Variants in ZFYVE28 observed in about 807,000 individuals in gnomAD.
The protein encoded by ZFYVE28 is lateral signaling target protein 2 homolog.
A neutral mutation model predicts 82.1 loss-of-function variants in ZFYVE28; 40 were observed. The ratio of observed to expected loss-of-function variants is 0.49; its 90% confidence interval spans 0.38 to 0.63. The LOEUF is 0.63. Ranked by LOEUF, ZFYVE28 falls within the 30% of genes least tolerant of loss-of-function variation. ZFYVE28 has a pLI of 0.00. For missense variants in ZFYVE28, 1,321 were observed against 1,242.1 expected (o/e 1.06, Z -0.96); for synonymous variants, 612 against 546.1 (o/e 1.12, Z -1.68).
Position 2,308,622 on chromosome 4 carries a change from G to GAAGAAAGA in ZFYVE28, c.804-3087_804-3086insTCTTTCTT, listed in dbSNP as rs1238806821. On this transcript the variant is annotated intron_variant, in intron 7 of 12. Transcript: ENST00000290974. ...AGACAGAGAGAGAGAAAGAAAGAAA[G>GAAGAAAGA]AAGACAGAAAGAAAGAAAGAAAGAA... Among the ~76,000 whole-genome samples, 578 of 81,522 alleles carry GAAGAAAGA rather than the reference G, an allele frequency of 7.1e-3. 4 individuals are homozygous for GAAGAAAGA. The highest frequency in any genetic ancestry group is 0.014 in the Admixed American group (86 of 6,102). The allele number at this position is 81,522 out of a possible 152,430, so 53.5% of individuals were successfully genotyped here. A position where few individuals can be genotyped will look rare whatever the true frequency, so the allele number is the denominator to read the frequency against.
chr4:2,395,482 C>T (rs1006505991), intron 1 of ZFYVE28, among the ~76,000 whole-genome samples: 8 of 152,164 alleles, frequency 5.3e-5, no homozygotes, highest in Admixed American at 2.0e-4. Flanking sequence ...AGGTCCAGGT[C>T]GTGGGAGCTG....
chr4:2,297,159 T>A (rs1714712667), intron 8 of ZFYVE28, among the ~76,000 whole-genome samples: 3 of 152,226 alleles, frequency 2.0e-5, no homozygotes, highest in Admixed American at 1.3e-4. Context: ...GCGCCTTCAC[T>A]GATGTGCCAG....
At chr4:2,288,537 G>T (rs926489680) in intron 8 of ZFYVE28, among the ~76,000 whole-genome samples, 2 of 152,246 alleles carry the variant, frequency 1.3e-5, no homozygotes, top group African/African-American at 2.4e-5. Flanking sequence ...GCTCCAAGGG[G>T]AGGTCCTGCC....
intron 1 of ZFYVE28, among the ~76,000 whole-genome samples, chr4:2,406,006 G>A (rs1227117211): frequency 3.5e-5 from 5 of 143,474 alleles, no homozygotes; most frequent in Non-Finnish European, 7.5e-5. Context: ...CCAAGATTGC[G>A]CTGCTATACT....
chr4:2,328,699 AT>A (rs1224038418), intron 6 of ZFYVE28: 1 of 161,088 alleles, frequency 6.2e-6, no homozygotes, highest in Non-Finnish European at 1.3e-5. Context: ...AGAAAAAAAA[AT>A]ACCTTCACAG....
chr4:2,360,199 C>T (rs571280907), intron 1 of ZFYVE28, among the ~76,000 whole-genome samples: 1 of 151,820 alleles, frequency 6.6e-6, no homozygotes, highest in Non-Finnish European at 1.5e-5. Flanking sequence ...AGTGTCTTCA[C>T]GACCACGAGG....
Position 2,298,130 on chromosome 4 carries a change from G to A in ZFYVE28, c.2051+6159C>T, listed in dbSNP as rs543211555. On this transcript the variant is annotated intron_variant, in intron 8 of 12. Coordinates refer to ENST00000290974, the MANE Select transcript of ZFYVE28 (RefSeq NM_020972.3). ...ACACGGTGACACAGTGACACGGCGG[G>A]CTGTGCTGGGAGGAATGGCAGAGGA... Among the ~76,000 whole-genome samples the A allele has an allele frequency of 5.3e-4, 79 of 149,684 alleles. No individual in the cohort carries two copies. In the East Asian group the frequency reaches 0.015, roughly 28 times the overall value.
chr4:2,363,024 G>A (rs1726374042), intron 1 of ZFYVE28, among the ~76,000 whole-genome samples: 1 of 152,144 alleles, frequency 6.6e-6, no homozygotes, highest in Non-Finnish European at 1.5e-5. Flanking sequence ...CCCATTACAT[G>A]GTGAGTGTCC....
chr4:2,354,140 C>T, intron 1 of ZFYVE28, 67 bp from the exon 2 acceptor site: 1 of 1,397,268 alleles, frequency 7.2e-7, no homozygotes, highest in South Asian at 1.6e-5. Context: ...GGTTGGTTGC[C>T]TTGTCCCCAG....
intron 2 of ZFYVE28, among the ~76,000 whole-genome samples, chr4:2,345,556 G>A (rs1723411710): frequency 6.6e-6 from 1 of 151,534 alleles, no homozygotes; most frequent in Non-Finnish European, 1.5e-5. Flanking sequence ...ATGAACTGCT[G>A]GACAACTTCA....
intron 7 of ZFYVE28, among the ~76,000 whole-genome samples, chr4:2,306,393 C>T (rs1716576351): frequency 1.3e-5 from 2 of 152,250 alleles, no homozygotes; most frequent in African/African-American, 4.8e-5. Flanking sequence ...ATGTGAATAG[C>T]ACCCAGATTT....
At chr4:2,381,120 C>A (rs1728690242) in intron 1 of ZFYVE28, among the ~76,000 whole-genome samples, 1 of 151,984 alleles carries the variant, frequency 6.6e-6, no homozygotes, top group South Asian at 2.1e-4. Flanking sequence ...GCAACATGGA[C>A]AATAAGGTCC....
At chr4:2,328,793 C>T (rs1218147769) in intron 6 of ZFYVE28, 1 of 262,996 alleles carries the variant, frequency 3.8e-6, no homozygotes. Context: ...ATCGCAGGGT[C>T]CAACTTTGTT....
chr4:2,334,771 CTTCCGCCTCCCCT>C (rs1721346107), intron 6 of ZFYVE28, among the ~76,000 whole-genome samples: 7 of 32,022 alleles, frequency 2.2e-4, no homozygotes, highest in East Asian at 2.7e-3. Flanking sequence ...CCCCTCCCCA[CTTCCGCCTCCCCT>C]CTTCCCCCTC....
At chr4:2,411,161 G>A (rs775079915) in intron 1 of ZFYVE28, among the ~76,000 whole-genome samples, 10 of 151,786 alleles carry the variant, frequency 6.6e-5, no homozygotes, top group African/African-American at 9.7e-5. Context: ...AAACCCACCC[G>A]TGGCAGAGAC....
intron 8 of ZFYVE28, among the ~76,000 whole-genome samples, chr4:2,293,581 G>A (rs548666144): frequency 5.3e-5 from 8 of 151,866 alleles, no homozygotes; most frequent in African/African-American, 1.2e-4. Flanking sequence ...GTGAAACCCC[G>A]TCTCTACTAA....
At chr4:2,333,141 C>A (rs1037438730) in intron 6 of ZFYVE28, among the ~76,000 whole-genome samples, 1 of 151,858 alleles carries the variant, frequency 6.6e-6, no homozygotes, top group Non-Finnish European at 1.5e-5. Flanking sequence ...CCTCTGCCAA[C>A]AGAAGCTCCA....
chr4:2,282,426 CAG>C (rs1181429531), intron 8 of ZFYVE28, among the ~76,000 whole-genome samples: 2 of 152,146 alleles, frequency 1.3e-5, no homozygotes, highest in South Asian at 2.1e-4. Flanking sequence ...GAACAGCACA[CAG>C]GGGGGATAAA....
intron 2 of ZFYVE28, among the ~76,000 whole-genome samples, chr4:2,345,742 A>C (rs1312681660): frequency 6.6e-6 from 1 of 151,818 alleles, no homozygotes; most frequent in African/African-American, 2.4e-5. Context: ...AAATTACAGC[A>C]TAATCAAATT....
Sources: gnomAD v4.1 joint callset for allele counts (sites outside exome capture counted in the v4.1 genomes callset) on GRCh38, gnomAD v4.1.1 for gene constraint, MANE v1.5 for transcripts, NCBI Gene and HGNC (gene_info 2026-07-23, HGNC 2026-07-21) for gene names.